The following DYDC2 variants were observed in gnomAD, a reference collection of about 807,000 sequenced individuals.
DYDC2 encodes the protein DPY30 domain containing 2.
DYDC2 carries 19 observed loss-of-function variants against 18.7 expected under a neutral mutation model. That is an observed-to-expected ratio of 1.02 (90% CI 0.71 to 1.49). DYDC2 has a LOEUF of 1.49. DYDC2 is among the 40% of genes most tolerant of loss of function. The pLI, the probability that DYDC2 is intolerant of heterozygous loss-of-function variation, is 0.00. For missense variants in DYDC2, 179 were observed against 205.1 expected (o/e 0.87, Z 0.78); for synonymous variants, 63 against 67.6 (o/e 0.93, Z 0.34).
chr10:80,360,076 G>C (rs913585845), intron 2 of DYDC2, among the ~76,000 whole-genome samples: 1 of 152,236 alleles, frequency 6.6e-6, no homozygotes, highest in African/African-American at 2.4e-5. Context: ...TCTGTCGTCA[G>C]ACTAGCTTTG....
chr10:80,358,925 G>C (rs575265712), intron 2 of DYDC2, among the ~76,000 whole-genome samples: 1 of 152,182 alleles, frequency 6.6e-6, no homozygotes, highest in East Asian at 1.9e-4. Flanking sequence ...CCCTTCAGAA[G>C]TGAAGCTGCA....
intron 1 of DYDC2, among the ~76,000 whole-genome samples, chr10:80,350,264 A>G (rs1842907212): frequency 6.6e-6 from 1 of 152,254 alleles, no homozygotes; most frequent in Non-Finnish European, 1.5e-5. Context: ...TGTTATTGCT[A>G]GTATTGCCAA....
In DYDC2 at chr10:80,367,587, G is replaced by C. The variant is rs1211735145; in HGVS notation, c.*636G>C. ...ACAAGGGGTTTTATCCTGGACCCCG[G>C]ACATGTTCCAAGCCCTGCCTCAACT... On this transcript the variant is annotated 3_prime_UTR_variant, in exon 5 of 5. Coordinates refer to ENST00000256039, the MANE Select transcript of DYDC2 (RefSeq NM_032372.6). 1.3e-5 allele frequency: 2 copies of C among 152,218 alleles called. No individual in the cohort carries two copies. The highest frequency in any genetic ancestry group is 4.8e-5 in the African/African-American group (2 of 41,444). The allele number at this position is 152,218 out of a possible 1,614,324, so 9.4% of individuals were successfully genotyped here.
intron 1 of DYDC2, among the ~76,000 whole-genome samples, chr10:80,345,802 T>C (rs1411716694): frequency 6.6e-6 from 1 of 152,202 alleles, no homozygotes; most frequent in Non-Finnish European, 1.5e-5. Flanking sequence ...CTTTTATATA[T>C]ACATATATGT....
At position 80,357,956 on chromosome 10, in the gene DYDC2, C is replaced by T. The variant is rs1317866191; in HGVS notation, c.-99C>T. 2.0e-6 allele frequency: 2 copies of T among 984,996 alleles called. No homozygotes were observed. Among genetic ancestry groups the T allele is most frequent in the Non-Finnish European group, 2.4e-6 (2 of 829,642 alleles). 61.0% of individuals were successfully genotyped at this position (984,996 alleles called of 1,614,324 possible). A position where few individuals can be genotyped will look rare whatever the true frequency, so the allele number is the denominator to read the frequency against. ...CAAAGACAACCCCTATTCTTATCACCTTGCCTACTGAGTGCAAGTCCAGGA... is the reference window on the plus strand; with the variant it reads ...CAAAGACAACCCCTATTCTTATCACTTTGCCTACTGAGTGCAAGTCCAGGA... On this transcript the variant is annotated 5_prime_UTR_variant, in exon 2 of 5. Coordinates refer to ENST00000256039, the MANE Select transcript of DYDC2 (RefSeq NM_032372.6).
intron 4 of DYDC2, among the ~76,000 whole-genome samples, chr10:80,365,188 C>T (rs1168425176): frequency 6.6e-6 from 1 of 152,046 alleles, no homozygotes; most frequent in Non-Finnish European, 1.5e-5. Context: ...GACTTGGATA[C>T]AGGTTAGCAA....
chr10:80,363,107 C>T, intron 4 of DYDC2, 34 bp downstream of exon 4: 1 of 1,595,582 alleles, frequency 6.3e-7, no homozygotes, highest in Non-Finnish European at 8.5e-7. Context: ...GGTTGCCACA[C>T]ACATCCCAGT....
intron 1 of DYDC2, among the ~76,000 whole-genome samples, chr10:80,346,970 C>T (rs913095030): frequency 2.0e-5 from 3 of 151,842 alleles, no homozygotes; most frequent in Admixed American, 6.5e-5. Flanking sequence ...ATCCCAGCTA[C>T]TCAGGAGGCT....
At chr10:80,361,196 A>G (rs1180786492) in intron 2 of DYDC2, among the ~76,000 whole-genome samples, 1 of 152,030 alleles carries the variant, frequency 6.6e-6, no homozygotes, top group African/African-American at 2.4e-5. Context: ...AACATTTTTA[A>G]GAGTACAGGG....
chr10:80,351,170 TG>T (rs1255387437), intron 1 of DYDC2, among the ~76,000 whole-genome samples: 3 of 152,224 alleles, frequency 2.0e-5, no homozygotes, highest in Non-Finnish European at 2.9e-5. Context: ...CAAGTGAACA[TG>T]GTGCCTACTT....
upstream of DYDC2, among the ~76,000 whole-genome samples, chr10:80,353,119 T>C (rs1358146627): frequency 6.6e-6 from 1 of 151,932 alleles, no homozygotes; most frequent in Non-Finnish European, 1.5e-5. Flanking sequence ...ATGAGAGCCG[T>C]TTTTACAAAG....
intron 1 of DYDC2, among the ~76,000 whole-genome samples, chr10:80,347,154 C>A (rs1241097018): frequency 6.6e-6 from 1 of 151,726 alleles, no homozygotes; most frequent in African/African-American, 2.4e-5. Flanking sequence ...ATTTGCACTT[C>A]CCTGATGACT....
chr10:80,351,037 A>C (rs1589518151), intron 1 of DYDC2, among the ~76,000 whole-genome samples: 2 of 152,184 alleles, frequency 1.3e-5, no homozygotes, highest in East Asian at 1.9e-4. Flanking sequence ...TCAGTACTTG[A>C]TCTTCAACTG....
At chr10:80,352,297 G>T, upstream of DYDC2, 1 of 1,114,746 alleles carries the variant, frequency 9.0e-7, no homozygotes, top group Non-Finnish European at 1.2e-6. Context: ...TCTTCTTTGG[G>T]TAATGTTTTC....
chr10:80,367,424 A>G lies in DYDC2; in HGVS notation c.*473A>G, dbSNP rs1972370. 121,494 of 153,584 alleles carry G rather than the reference A, an allele frequency of 0.79. 49,047 individuals carry two copies. The highest frequency in any genetic ancestry group is 0.97 in the East Asian group (5,043 of 5,198). The allele number at this position is 153,584 out of a possible 1,614,324, so 9.5% of individuals were successfully genotyped here. A position where few individuals can be genotyped will look rare whatever the true frequency, so the allele number is the denominator to read the frequency against. ...AAGAAACAGGTGATGAGGATGTGGG[A>G]GTTGAAAGAAAGTGGTGTATCAAGC... On this transcript the variant is annotated 3_prime_UTR_variant, in exon 5 of 5. Coordinates refer to ENST00000256039, the MANE Select transcript of DYDC2 (RefSeq NM_032372.6).
chr10:80,351,998 T>A, upstream of DYDC2: 1 of 1,614,064 alleles, frequency 6.2e-7, no homozygotes, highest in Non-Finnish European at 8.5e-7. Flanking sequence ...CATTTCCTTT[T>A]GTCTCTAGCA....
At chr10:80,352,359 T>C, upstream of DYDC2, 1 of 1,362,882 alleles carries the variant, frequency 7.3e-7, no homozygotes, top group Admixed American at 3.4e-5. Flanking sequence ...ACATTATTTT[T>C]ATAACAGAAA....
chr10:80,360,599 T>C (rs1843634936), intron 2 of DYDC2, among the ~76,000 whole-genome samples: 1 of 152,200 alleles, frequency 6.6e-6, no homozygotes. Context: ...GAGCCATTAT[T>C]CAGCCCTAGA....
intron 1 of DYDC2, among the ~76,000 whole-genome samples, chr10:80,348,635 A>C (rs1005531444): frequency 6.6e-6 from 1 of 152,270 alleles, no homozygotes; most frequent in Non-Finnish European, 1.5e-5. Context: ...AAATTTCCAT[A>C]TTCTGAAATC....
Sources: allele counts gnomAD v4.1 joint callset (sites outside exome capture counted in the v4.1 genomes callset), GRCh38; gene constraint gnomAD v4.1.1; transcripts MANE v1.5; gene names NCBI Gene and HGNC (gene_info 2026-07-23, HGNC 2026-07-21).